Variants in FRMD4A observed in about 807,000 individuals in gnomAD.
The protein encoded by FRMD4A is FERM domain-containing protein 4A.
FRMD4A carries 29 observed loss-of-function variants against 129.1 expected under a neutral mutation model. The observed-to-expected ratio is 0.22, with a 90% confidence interval of 0.17 to 0.31. FRMD4A has a LOEUF of 0.31. FRMD4A is among the 10% of genes least tolerant of loss of function. The pLI is 1.00. For missense variants in FRMD4A, 1,272 were observed against 1,375.8 expected (o/e 0.92, Z 1.19); for synonymous variants, 634 against 571.6 (o/e 1.11, Z -1.56).
At chr10:13,666,608 C>T (rs1383791892) in intron 17 of FRMD4A, among the ~76,000 whole-genome samples, 1 of 152,216 alleles carries the variant, frequency 6.6e-6, no homozygotes, top group Non-Finnish European at 1.5e-5. Flanking sequence ...TGTGTTTCGA[C>T]TGTCTCCAGC....
chr10:13,699,882 A>G (rs1310075132), intron 14 of FRMD4A, among the ~76,000 whole-genome samples: 2 of 152,192 alleles, frequency 1.3e-5, no homozygotes, highest in African/African-American at 2.4e-5. Context: ...CGCTAGGACT[A>G]GGACCCATCA....
chr10:13,886,949 C>T (rs144513355), intron 2 of FRMD4A, among the ~76,000 whole-genome samples: 3 of 152,322 alleles, frequency 2.0e-5, no homozygotes, highest in East Asian at 3.9e-4. Context: ...CAAAAAGGAA[C>T]ATGTGAATGT....
At chr10:14,308,351 G>A (rs558368657) in intron 2 of FRMD4A, among the ~76,000 whole-genome samples, 4 of 151,976 alleles carry the variant, frequency 2.6e-5, no homozygotes, top group Non-Finnish European at 4.4e-5. Context: ...TTTACATCTC[G>A]TCTTTGTTTC....
intron 2 of FRMD4A, among the ~76,000 whole-genome samples, chr10:14,175,112 G>A (rs1320243187): frequency 6.6e-6 from 1 of 152,146 alleles, no homozygotes; most frequent in Non-Finnish European, 1.5e-5. Flanking sequence ...TTCTCTGTGA[G>A]AATAATTCAA....
chr10:13,890,534 A>T, intron 2 of FRMD4A: 1 of 977,988 alleles, frequency 1.0e-6, no homozygotes, highest in Non-Finnish European at 1.2e-6. Flanking sequence ...AGGTCCAGGC[A>T]GATGTATTCC....
chr10:13,806,332 T>C (rs548244200), intron 4 of FRMD4A, among the ~76,000 whole-genome samples: 3 of 151,956 alleles, frequency 2.0e-5, no homozygotes, highest in South Asian at 2.1e-4. Context: ...AAAACAGCAA[T>C]AGAAATATTT....
chr10:14,307,396 T>C (rs1292675712), intron 2 of FRMD4A, among the ~76,000 whole-genome samples: 1 of 152,178 alleles, frequency 6.6e-6, no homozygotes, highest in Non-Finnish European at 1.5e-5. Flanking sequence ...GCATGACAGA[T>C]CTTATTTGTC....
intron 2 of FRMD4A, among the ~76,000 whole-genome samples, chr10:14,089,969 C>G (rs908022301): frequency 3.3e-5 from 5 of 152,230 alleles, no homozygotes; most frequent in African/African-American, 1.2e-4. Context: ...CCTGACAGAG[C>G]AGGGCCGATA....
At chr10:13,654,769 C>A in intron 22 of FRMD4A, 1 of 515,520 alleles carries the variant, frequency 1.9e-6, no homozygotes, top group Non-Finnish European at 3.4e-6. Flanking sequence ...CATTCTGAGT[C>A]AAGCTGACCT....
At chr10:14,077,697 C>A (rs1196350743) in intron 2 of FRMD4A, among the ~76,000 whole-genome samples, 2 of 152,172 alleles carry the variant, frequency 1.3e-5, no homozygotes, top group Non-Finnish European at 2.9e-5. Flanking sequence ...GCAATCTCCC[C>A]TTAAGTTCTG....
At chr10:14,202,639 G>A (rs1045852016) in intron 2 of FRMD4A, among the ~76,000 whole-genome samples, 1 of 152,258 alleles carries the variant, frequency 6.6e-6, no homozygotes, top group African/African-American at 2.4e-5. Flanking sequence ...GACCTCAAGT[G>A]ATCTGCCTGC....
At chr10:14,287,371 T>C (rs1845714939) in intron 2 of FRMD4A, among the ~76,000 whole-genome samples, 1 of 152,264 alleles carries the variant, frequency 6.6e-6, no homozygotes, top group African/African-American at 2.4e-5. Context: ...TTGTATCCTC[T>C]CATGTTAGCA....
At chr10:14,136,876 G>A (rs1844424746) in intron 2 of FRMD4A, among the ~76,000 whole-genome samples, 2 of 152,128 alleles carry the variant, frequency 1.3e-5, no homozygotes, top group Non-Finnish European at 1.5e-5. Flanking sequence ...AAACCTAAAT[G>A]GACTGAGACC....
intron 17 of FRMD4A, among the ~76,000 whole-genome samples, chr10:13,669,500 C>T (rs948559441): frequency 9.9e-5 from 15 of 152,204 alleles, no homozygotes; most frequent in Non-Finnish European, 4.4e-5. Context: ...CTGAATTCAC[C>T]CTCACCCTAA....
chr10:14,226,661 G>A (rs1462449057), intron 2 of FRMD4A, among the ~76,000 whole-genome samples: 3 of 152,056 alleles, frequency 2.0e-5, no homozygotes, highest in African/African-American at 2.4e-5. Context: ...AGGGCATGGC[G>A]GGTTAGGACT....
chr10:14,184,678 C>G (rs1222919519), intron 2 of FRMD4A, among the ~76,000 whole-genome samples: 1 of 152,172 alleles, frequency 6.6e-6, no homozygotes, highest in Non-Finnish European at 1.5e-5. Flanking sequence ...AGCATGGCTT[C>G]TGTTTCTACC....
chr10:13,978,586 CTT>C (rs1208266939), intron 2 of FRMD4A, among the ~76,000 whole-genome samples: 4 of 152,254 alleles, frequency 2.6e-5, no homozygotes, highest in Non-Finnish European at 4.4e-5. Context: ...CCCAAACAGT[CTT>C]TTGAAATCCC....
At chr10:14,320,869 G>A (rs1843017530) in intron 2 of FRMD4A, among the ~76,000 whole-genome samples, 1 of 152,180 alleles carries the variant, frequency 6.6e-6, no homozygotes. Flanking sequence ...GCCCAGGTTG[G>A]AATGCCCCAT....
chr10:13,718,845 G>A (rs1389474474), intron 12 of FRMD4A, among the ~76,000 whole-genome samples: 5 of 152,238 alleles, frequency 3.3e-5, no homozygotes, highest in African/African-American at 7.2e-5. Context: ...CAATGATCAT[G>A]TGGTGCCGTA....
Sources: gnomAD v4.1 joint callset for allele counts (sites outside exome capture counted in the v4.1 genomes callset) on GRCh38, gnomAD v4.1.1 for gene constraint, MANE v1.5 for transcripts, NCBI Gene and HGNC (gene_info 2026-07-23, HGNC 2026-07-21) for gene names.